KCNQ3: variants seen among roughly 807,000 people sequenced by gnomAD.
KCNQ3 encodes potassium voltage-gated channel subfamily Q member 3, also known as potassium voltage-gated channel subfamily KQT member 3.
Under a neutral mutation model 92.5 loss-of-function variants are expected in KCNQ3, and 30 were observed. The observed-to-expected ratio is 0.32, with a 90% CI of 0.24 to 0.44. The LOEUF is 0.44. Ranked by LOEUF, KCNQ3 falls within the 20% of genes least tolerant of loss-of-function variation. The pLI is 1.00. For missense variants in KCNQ3, 913 were observed against 1,140.3 expected, an observed-to-expected ratio of 0.80 and a Z score of 2.87; for synonymous variants, 450 against 468.8, an observed-to-expected ratio of 0.96 and a Z score of 0.52.
chr8:132,187,323 CA>C, intron 1 of KCNQ3: 1 of 451,250 alleles, frequency 2.2e-6, no homozygotes. Flanking sequence ...TCCAGATAAA[CA>C]GAAAGTTGTC....
chr8:132,441,010 A>C (rs2130837309), intron 1 of KCNQ3, among the ~76,000 whole-genome samples: 1 of 152,292 alleles, frequency 6.6e-6, no homozygotes, highest in African/African-American at 2.4e-5. Context: ...CTTATCACAG[A>C]AACTGTGGAG....
chr8:132,342,997 C>T (rs10956658), intron 1 of KCNQ3, among the ~76,000 whole-genome samples: 75,941 of 152,042 alleles, frequency 0.5, 21,521 homozygotes, highest in African/African-American at 0.78. Flanking sequence ...TCAGGGCTAA[C>T]GTATTGGGCA....
intron 1 of KCNQ3, among the ~76,000 whole-genome samples, chr8:132,232,727 C>T (rs1030825177): frequency 6.6e-6 from 1 of 152,174 alleles, no homozygotes; most frequent in Admixed American, 6.5e-5. Context: ...ACCCTTTTCT[C>T]CTTTACTAAT....
intron 1 of KCNQ3, among the ~76,000 whole-genome samples, chr8:132,426,270 C>A (rs1164375827): frequency 6.6e-6 from 1 of 152,256 alleles, no homozygotes; most frequent in African/African-American, 2.4e-5. Flanking sequence ...CCCTCCTCCG[C>A]TCCCATGGAT....
At chr8:132,197,650 C>G (rs1037325435) in intron 1 of KCNQ3, among the ~76,000 whole-genome samples, 2 of 147,168 alleles carry the variant, frequency 1.4e-5, no homozygotes, top group African/African-American at 5.4e-5. Context: ...CTGATATATC[C>G]TGGATGCTAA....
At chr8:132,299,476 G>A (rs1817149691) in intron 1 of KCNQ3, among the ~76,000 whole-genome samples, 1 of 152,108 alleles carries the variant, frequency 6.6e-6, no homozygotes, top group African/African-American at 2.4e-5. Flanking sequence ...AGACCCACGG[G>A]GGATGTTTGC....
rs548968593 is a variant in KCNQ3, at chr8:132,136,430, T to C, written c.1700+1455A>G. The stretch of plus-strand genomic sequence containing the variant: ...AAAATGCTTTTTCAAAGGGCATTTT[T>C]ACAGCTTATTAAAGATTTGATACAT... On this transcript the variant is annotated intron_variant, in intron 12 of 14. Transcript: ENST00000388996. Among the ~76,000 whole-genome samples the C allele has an allele frequency of 5.3e-4, 81 of 152,304 alleles. 1 individual carries two copies. The South Asian group carries it at 0.017, about 31-fold the overall frequency.
At chr8:132,282,047 G>T (rs1474662786) in intron 1 of KCNQ3, among the ~76,000 whole-genome samples, 2 of 152,188 alleles carry the variant, frequency 1.3e-5, no homozygotes, top group East Asian at 3.9e-4. Context: ...CTTGCACCAT[G>T]ATTTTGCTAA....
intron 1 of KCNQ3, among the ~76,000 whole-genome samples, chr8:132,401,343 C>A (rs771695432): frequency 6.6e-6 from 1 of 152,024 alleles, no homozygotes; most frequent in Non-Finnish European, 1.5e-5. Context: ...CCCATGAATA[C>A]GGATCCTACA....
At chr8:132,471,622 T>G (rs971343342) in intron 1 of KCNQ3, among the ~76,000 whole-genome samples, 2 of 151,992 alleles carry the variant, frequency 1.3e-5, no homozygotes, top group African/African-American at 4.8e-5. Flanking sequence ...AAAAATCAAC[T>G]CAAGATGGAT....
In KCNQ3 at chr8:132,122,807, C is replaced by T. The variant is rs928623045; in HGVS notation, c.*6455G>A. The T allele has an allele frequency of 6.6e-6, 1 of 151,902 alleles. No homozygotes were observed. The highest frequency in any genetic ancestry group is 1.5e-5 in the Non-Finnish European group (1 of 67,932). 9.4% of individuals were successfully genotyped at this position (151,902 alleles called of 1,614,324 possible). A position where few individuals can be genotyped will look rare whatever the true frequency, so the allele number is the denominator to read the frequency against. ...AATTCTGGCCGATTTATCCCGAGAACAATGTAAGTGGAAACTAACAATGAA... is the reference window on the plus strand; with the variant it reads ...AATTCTGGCCGATTTATCCCGAGAATAATGTAAGTGGAAACTAACAATGAA... On this transcript the variant is annotated 3_prime_UTR_variant, in exon 15 of 15. Transcript: ENST00000388996.
intron 1 of KCNQ3, among the ~76,000 whole-genome samples, chr8:132,340,614 G>T (rs1371784587): frequency 6.6e-6 from 1 of 152,048 alleles, no homozygotes; most frequent in Admixed American, 6.6e-5. Context: ...CCTATTGGGG[G>T]GTGGTGGGGG....
chr8:132,429,212 C>G (rs1821184261), intron 1 of KCNQ3, among the ~76,000 whole-genome samples: 1 of 152,232 alleles, frequency 6.6e-6, no homozygotes, highest in South Asian at 2.1e-4. Flanking sequence ...ATGACCTGGT[C>G]ATCTCTGGGT....
intron 1 of KCNQ3, among the ~76,000 whole-genome samples, chr8:132,248,334 GTATATA>G (rs5895135): frequency 4.9e-5 from 7 of 144,100 alleles, no homozygotes; most frequent in Non-Finnish European, 4.6e-5. Context: ...TAGTCTATAA[GTATATA>G]TATATATATA....
In KCNQ3 at chr8:132,141,329, T is replaced by G; in HGVS notation, c.1265A>C (p.Gln422Pro). The change falls in exon 10 of 15, where the codon CAA (glutamine) becomes CCA (proline). Residue 422 changes from glutamine (Q) to proline (P), a missense_variant and splice_region_variant. Transcript: ENST00000388996. ...AACCCGATCCAAGAGACCCAGCTTT[T>G]GGCTACAAAATAAGCAAAAGTGAAC... is the stretch of plus-strand genomic sequence containing the variant. ...RKEQLEAASS[Q>P]KLGLLDRVRL... 6.2e-7 allele frequency: 1 copy of G among 1,614,140 alleles called. No individual in the cohort carries two copies. Among genetic ancestry groups the G allele is most frequent in the Non-Finnish European group, 8.5e-7 (1 of 1,180,030 alleles).
chr8:132,156,723 C>T (rs1220556134), intron 9 of KCNQ3, among the ~76,000 whole-genome samples: 1 of 152,188 alleles, frequency 6.6e-6, no homozygotes, highest in African/African-American at 2.4e-5. Flanking sequence ...TGTTGCCCCA[C>T]ACAAACATGT....
At chr8:132,168,717 AT>A (rs1826213632) in intron 8 of KCNQ3, among the ~76,000 whole-genome samples, 1 of 108,464 alleles carries the variant, frequency 9.2e-6, no homozygotes, top group Non-Finnish European at 1.8e-5. Context: ...GATAATGAAT[AT>A]GTGTGTGTGT....
intron 1 of KCNQ3, among the ~76,000 whole-genome samples, chr8:132,275,965 C>T (rs980904970): frequency 2.6e-5 from 4 of 152,080 alleles, no homozygotes; most frequent in Non-Finnish European, 4.4e-5. Context: ...AACTAAAAGA[C>T]TCCTAGTACA....
intron 1 of KCNQ3, among the ~76,000 whole-genome samples, chr8:132,382,264 G>A (rs1052851585): frequency 1.3e-5 from 2 of 152,222 alleles, no homozygotes; most frequent in African/African-American, 4.8e-5. Context: ...GGGTCCCGGA[G>A]GCAGATCCCT....
Sources: gnomAD v4.1 joint callset for allele counts (sites outside exome capture counted in the v4.1 genomes callset) on GRCh38, gnomAD v4.1.1 for gene constraint, MANE v1.5 for transcripts, NCBI Gene and HGNC (gene_info 2026-07-23, HGNC 2026-07-21) for gene names.